Variants in AKT1S1 observed in about 807,000 individuals in gnomAD.
AKT1S1 encodes the protein proline-rich AKT1 substrate 1.
A neutral mutation model predicts 21.2 loss-of-function variants in AKT1S1; 17 were observed. The ratio of observed to expected loss-of-function variants is 0.80; its 90% CI spans 0.55 to 1.20. AKT1S1 has a LOEUF of 1.20. AKT1S1 is among the 50% of genes most tolerant of loss of function. The pLI, the probability that AKT1S1 is intolerant of heterozygous loss-of-function variation, is 0.00. For missense variants in AKT1S1, 366 were observed against 368.3 expected (o/e 0.99, Z 0.05); for synonymous variants, 181 against 165.6 (o/e 1.09, Z -0.72).
upstream of AKT1S1, chr19:49,877,633 C>T: frequency 1.4e-6 from 2 of 1,453,284 alleles, no homozygotes; most frequent in Non-Finnish European, 1.9e-6. Flanking sequence ...CTACCACTGT[C>T]CGGCCCGGAG....
At position 49,869,914 on chromosome 19, in the gene AKT1S1, A is replaced by C. The variant is rs1285071455; in HGVS notation, c.*3T>G. On this transcript the variant is annotated 3_prime_UTR_variant, in exon 5 of 5. Transcript: ENST00000344175. The stretch of plus-strand genomic sequence containing the variant: ...GCGGCCCGGGGCGCTCCCTCCCTGG[A>C]CTTCAATATTTCCGCTTCAGCTTCT... 2 of 1,510,280 alleles carry C rather than the reference A, an allele frequency of 1.3e-6. No homozygotes were observed. Among genetic ancestry groups the C allele is most frequent in the African/African-American group, 1.4e-5 (1 of 70,852 alleles). The allele number at this position is 1,510,280 out of a possible 1,614,324, so 93.6% of individuals were successfully genotyped here.
At chr19:49,870,674 G>A (rs944725588) in intron 4 of AKT1S1, among the ~76,000 whole-genome samples, 2 of 152,156 alleles carry the variant, frequency 1.3e-5, no homozygotes, top group African/African-American at 2.4e-5. Flanking sequence ...CTGTCCCCTC[G>A]CAGGATGGGA....
rs746829615 is a variant in AKT1S1 at position 49,873,070 on chromosome 19, G to A, written c.226C>T (p.Arg76Trp). 33 of 1,553,510 alleles carry A rather than the reference G, an allele frequency of 2.1e-5. No homozygotes were observed. Among genetic ancestry groups the A allele is most frequent in the Non-Finnish European group, 2.8e-5 (32 of 1,150,768 alleles). Residue 76 changes from arginine to tryptophan, a missense_variant, in exon 2 of 5, where the codon CGG (arginine) becomes TGG (tryptophan). Coordinates refer to ENST00000344175, the MANE Select transcript of AKT1S1 (RefSeq NM_001098633.4). This position sits in a 1 kb window ranked among gnomAD's most constrained non-coding sequence, Gnocchi z 6.9. ...ALAHRAATAA[R>W]PPAPPPAPQP... ...GGTGCTGGTGGGGGCGCAGGAGGCC[G>A]AGCAGCAGTGGCAGCCCTGTGGGCC...
At chr19:49,878,111 GCCCCAGCCCTCGCTGGTTCCC>G (rs2074975070), upstream of AKT1S1, 7 of 1,541,664 alleles carry the variant, frequency 4.5e-6, no homozygotes, top group East Asian at 1.7e-4. Flanking sequence ...CCTCGCTTGG[GCCCCAGCCCTCGCTGGTTCCC>G]CCCAACTCAG....
chr19:49,876,752 C>G (rs2074951940), intron 1 of AKT1S1: 2 of 1,349,136 alleles, frequency 1.5e-6, no homozygotes, highest in East Asian at 5.9e-5. Flanking sequence ...ATGGCGGCCA[C>G]AGGGGCTTCA....
chr19:49,875,710 A>G (rs2074932472), intron 1 of AKT1S1, among the ~76,000 whole-genome samples: 1 of 152,130 alleles, frequency 6.6e-6, no homozygotes, highest in Non-Finnish European at 1.5e-5. Flanking sequence ...TAGCCACGGG[A>G]TTAAAGAGTG....
intron 1 of AKT1S1, chr19:49,876,967 T>A (rs1027614974): frequency 5.7e-6 from 2 of 350,124 alleles, no homozygotes; most frequent in African/African-American, 4.2e-5. Flanking sequence ...GTTAACAACA[T>A]GGCAGCCAAC....
chr19:49,875,775 A>T, intron 1 of AKT1S1: 1 of 899,034 alleles, frequency 1.1e-6, no homozygotes, highest in Non-Finnish European at 1.3e-6. Flanking sequence ...ATGAGCAAAA[A>T]GGACAGGGCG....
chr19:49,877,865 C>T (rs73594135), upstream of AKT1S1: 3,399 of 1,234,920 alleles, frequency 2.8e-3, 77 homozygotes, highest in African/African-American at 0.044. Context: ...ACACCGATCT[C>T]TTATAAACGC....
At chr19:49,876,029 CTT>C in intron 1 of AKT1S1, 1 of 985,450 alleles carries the variant, frequency 1.0e-6, no homozygotes, top group Non-Finnish European at 1.2e-6. Flanking sequence ...TGGCTGTCCT[CTT>C]TGGATGCAGG....
Position 49,877,288 on chromosome 19 carries a change from G to A in AKT1S1, c.-59C>T, listed in dbSNP as rs2074960440. ...TTCCAGCTGTCGCGCCCCGCAGAGA[G>A]ATGGGACAGCCCCGTATTAACATGG... On this transcript the variant is annotated 5_prime_UTR_variant, in exon 1 of 5. Coordinates refer to ENST00000344175, the MANE Select transcript of AKT1S1 (RefSeq NM_001098633.4). 1 of 181,744 alleles carries A rather than the reference G, an allele frequency of 5.5e-6. No homozygotes were observed. Among genetic ancestry groups the A allele is most frequent in the African/African-American group, 2.4e-5 (1 of 42,478 alleles). The allele number at this position is 181,744 out of a possible 1,614,324, so 11.3% of individuals were successfully genotyped here. A position where few individuals can be genotyped will look rare whatever the true frequency, so the allele number is the denominator to read the frequency against.
chr19:49,875,449 A>C (rs975508319), intron 1 of AKT1S1, among the ~76,000 whole-genome samples: 5 of 152,114 alleles, frequency 3.3e-5, no homozygotes, highest in African/African-American at 1.2e-4. Context: ...CTGACTGCCC[A>C]GCCCCAAAAC....
Position 49,873,103 on chromosome 19 carries a change from T to A in AKT1S1, c.193A>T (p.Ile65Phe). 1 of 1,547,796 alleles carries A rather than the reference T, an allele frequency of 6.5e-7. No homozygotes were observed. ...AEAARRCLHD[I>F]ALAHRAATAA... ...GTGGCAGCCCTGTGGGCCAGTGCGA[T>A]GTCGTGGAGGCAACGGCGCGCTGCC... is the stretch of plus-strand genomic sequence containing the variant. The change falls in exon 2 of 5, where the codon ATC (isoleucine) becomes TTC (phenylalanine). Residue 65 changes from isoleucine (I) to phenylalanine (F), a missense_variant. Ile to Phe is a conservative substitution (Grantham distance 21). Transcript: ENST00000344175. This position sits in a 1 kb window ranked among gnomAD's most constrained non-coding sequence, Gnocchi z 6.9.
chr19:49,877,450 C>T, upstream of AKT1S1: 1 of 506,160 alleles, frequency 2.0e-6, no homozygotes, highest in Non-Finnish European at 3.5e-6. Context: ...CAGACCCTCC[C>T]ACTTGTTTAC....
Position 49,873,678 on chromosome 19 carries a change from G to A in AKT1S1, c.-7-376C>T. The A allele has an allele frequency of 4.7e-6, 1 of 213,998 alleles. No individual in the cohort carries two copies. Among genetic ancestry groups the A allele is most frequent in the Middle Eastern group, 1.5e-3 (1 of 688 alleles). 13.3% of individuals were successfully genotyped at this position (213,998 alleles called of 1,614,324 possible). On this transcript the variant is annotated intron_variant, in intron 1 of 4. Transcript: ENST00000344175. The surrounding 1 kb of genome is among the most constrained non-coding windows in gnomAD (Gnocchi z 6.9). Reference sequence around the variant, plus strand: ...CCTCTAACAATAAAACCTGCACTGGGTTCTGAAGACTGAGTACAATAAAGC... The same window carrying A: ...CCTCTAACAATAAAACCTGCACTGGATTCTGAAGACTGAGTACAATAAAGC...
upstream of AKT1S1, chr19:49,877,502 T>C (rs2074963400): frequency 1.8e-6 from 1 of 550,378 alleles, no homozygotes; most frequent in Admixed American, 3.4e-5. Flanking sequence ...GCACTCTCCG[T>C]AGCCGGATCC....
chr19:49,877,428 T>TGGTGCCCCA (rs1168552654), upstream of AKT1S1: 1 of 456,404 alleles, frequency 2.2e-6, no homozygotes, highest in Non-Finnish European at 3.9e-6. Context: ...TTGCCCCAGG[T>TGGTGCCCCA]GGTGCAGCTC....
rs1348352651 is a variant in AKT1S1 at position 49,872,911 on chromosome 19, T to G, written c.379+6A>C. ...GCCGCACCCGCCCCTGCCCCCACCC[T>G]CTCACCTCCATTATCACTAATGCCC... On this transcript the variant is annotated splice_donor_region_variant and intron_variant, in intron 2 of 4. Coordinates refer to ENST00000344175, the MANE Select transcript of AKT1S1 (RefSeq NM_001098633.4). 4.9e-6 allele frequency: 5 copies of G among 1,018,460 alleles called. No homozygotes were observed. In the East Asian group the frequency reaches 1.6e-4, roughly 33 times the overall value. The allele number at this position is 1,018,460 out of a possible 1,614,324, so 63.1% of individuals were successfully genotyped here.
At chr19:49,877,745 G>T (rs747533779), upstream of AKT1S1, 5 of 1,595,398 alleles carry the variant, frequency 3.1e-6, no homozygotes, top group East Asian at 9.0e-5. Context: ...CGGCTACAGG[G>T]TAAGCACTGA....
Sources: allele counts gnomAD v4.1 joint callset (sites outside exome capture counted in the v4.1 genomes callset), GRCh38; gene constraint gnomAD v4.1.1; non-coding constraint Gnocchi (gnomAD v3.1); transcripts MANE v1.5; gene names NCBI Gene and HGNC (gene_info 2026-07-23, HGNC 2026-07-21).